Variants in SLCO1B3 observed in about 807,000 individuals in gnomAD.
The protein encoded by SLCO1B3 is solute carrier organic anion transporter family member 1B3.
A neutral mutation model predicts 71.8 loss-of-function variants in SLCO1B3; 72 were observed. That is an observed-to-expected ratio of 1.00 (90% confidence interval 0.83 to 1.22). The LOEUF is 1.22. SLCO1B3 is among the 50% of genes most tolerant of loss of function. The pLI is 0.00. For synonymous variants in SLCO1B3, 298 were observed against 278.4 expected (o/e 1.07, Z -0.70); for missense variants, 911 against 819.7 (o/e 1.11, Z -1.36).
chr12:20,845,183 A>ATT, intron 3 of SLCO1B3: 1 of 353,564 alleles, frequency 2.8e-6, no homozygotes. Context: ...TGTACAAGGT[A>ATT]GCCACATGGG....
intron 8 of SLCO1B3, among the ~76,000 whole-genome samples, chr12:20,870,192 G>A (rs1478519870): frequency 6.6e-6 from 1 of 151,930 alleles, no homozygotes; most frequent in Admixed American, 6.6e-5. Context: ...ATATTTTTTT[G>A]CTATGGAGTT....
At chr12:20,899,896 C>T (rs1245708061) in intron 14 of SLCO1B3, among the ~76,000 whole-genome samples, 3 of 152,188 alleles carry the variant, frequency 2.0e-5, no homozygotes, top group Non-Finnish European at 4.4e-5. Context: ...GAAACATCCA[C>T]ACTTGGTAGC....
In SLCO1B3 at chr12:20,898,191, G is replaced by A. The variant is rs552098090; in HGVS notation, c.1683-245G>A. 4.6e-5 allele frequency among the ~76,000 whole-genome samples: 7 copies of A among 152,196 alleles called. No individual in the cohort carries two copies. The East Asian group carries it at 5.8e-4, about 13-fold the overall frequency. On this transcript the variant is annotated intron_variant, in intron 13 of 15. Transcript: ENST00000381545. ...TATAGGATTTTCATAAGGATCAAAT[G>A]TGAACATATTTGTTAAACTGCCTTG...
chr12:20,914,986 T>C (rs536394523), intron 15 of SLCO1B3, among the ~76,000 whole-genome samples: 1 of 152,118 alleles, frequency 6.6e-6, no homozygotes, highest in Non-Finnish European at 1.5e-5. Flanking sequence ...CTATGCATAG[T>C]TTTTCTGGCC....
At chr12:20,858,295 A>G (rs1319808911) in intron 4 of SLCO1B3, 144 bp from the exon 5 acceptor site, 4 of 599,188 alleles carry the variant, frequency 6.7e-6, no homozygotes, top group Non-Finnish European at 2.9e-6. Context: ...TTAATGTAGG[A>G]GAGTTTACCT....
At chr12:20,817,018 C>T (rs1383140603) in intron 3 of SLCO1B3, among the ~76,000 whole-genome samples, 1 of 152,154 alleles carries the variant, frequency 6.6e-6, no homozygotes, top group African/African-American at 2.4e-5. Flanking sequence ...AATGTATATT[C>T]AAATATTTTG....
In SLCO1B3 at chr12:20,816,587, C is replaced by T. The variant is rs557479866; in HGVS notation, c.84+765C>T. Among the ~76,000 whole-genome samples the T allele has an allele frequency of 1.1e-4, 17 of 152,184 alleles. 1 individual carries two copies. The South Asian group carries it at 1.9e-3, about 17-fold the overall frequency. ...TGTGTATATGTCCCACTTTTTTTTACGCATTCATCTGCTGATGCACACTTA... is the reference window on the plus strand; with the variant it reads ...TGTGTATATGTCCCACTTTTTTTTATGCATTCATCTGCTGATGCACACTTA... On this transcript the variant is annotated intron_variant, in intron 3 of 15. Transcript: ENST00000381545.
chr12:20,849,744 C>CACACAT lies in SLCO1B3; in HGVS notation c.85-5283_85-5282insCACATA, dbSNP rs1555154701. Among the ~76,000 whole-genome samples the CACACAT allele has an allele frequency of 1.7e-3, 249 of 148,354 alleles. 1 individual carries two copies. The Middle Eastern group carries it at 0.017, about 10-fold the overall frequency. ...ACACACACACACACACACACACACA[C>CACACAT]ATATTACTTGTGTTTCTGTACACCG... is the stretch of plus-strand genomic sequence containing the variant. On this transcript the variant is annotated intron_variant, in intron 3 of 15. Transcript: ENST00000381545.
intron 8 of SLCO1B3, among the ~76,000 whole-genome samples, chr12:20,864,507 T>C (rs1865334096): frequency 6.6e-6 from 1 of 152,220 alleles, no homozygotes; most frequent in East Asian, 1.9e-4. Context: ...ATTATAAAAC[T>C]AAAGCAAGTA....
intron 3 of SLCO1B3, among the ~76,000 whole-genome samples, chr12:20,853,875 T>C (rs978292260): frequency 6.8e-5 from 10 of 147,240 alleles, no homozygotes; most frequent in Non-Finnish European, 1.5e-4. Flanking sequence ...TAGTGCTGCT[T>C]CCACTGCATC....
intron 15 of SLCO1B3, among the ~76,000 whole-genome samples, chr12:20,904,388 T>TA (rs1480535538): frequency 6.6e-6 from 1 of 152,110 alleles, no homozygotes; most frequent in African/African-American, 2.4e-5. Flanking sequence ...CATTAAATCT[T>TA]AAAGCTCCAA....
intron 13 of SLCO1B3, among the ~76,000 whole-genome samples, chr12:20,889,124 C>T (rs1428966399): frequency 1.4e-5 from 2 of 144,500 alleles, no homozygotes; most frequent in Admixed American, 1.4e-4. Flanking sequence ...ATATTTGGAT[C>T]TATGTTCATC....
chr12:20,858,742 C>G, intron 5 of SLCO1B3, 171 bp downstream of exon 5: 1 of 427,856 alleles, frequency 2.3e-6, no homozygotes. Flanking sequence ...TTGCTTTATT[C>G]ATCATGTATT....
chr12:20,843,550 G>A (rs1031502005), intron 3 of SLCO1B3, among the ~76,000 whole-genome samples: 9 of 152,060 alleles, frequency 5.9e-5, no homozygotes, highest in Admixed American at 2.0e-4. Flanking sequence ...GGAGGCTGAC[G>A]TGGGTGGATC....
At chr12:20,830,561 A>T (rs918241353) in intron 3 of SLCO1B3, among the ~76,000 whole-genome samples, 1 of 152,154 alleles carries the variant, frequency 6.6e-6, no homozygotes, top group Non-Finnish European at 1.5e-5. Context: ...GAGATATTTA[A>T]CCTTTATACC....
intron 3 of SLCO1B3, among the ~76,000 whole-genome samples, chr12:20,829,254 A>C (rs573227752): frequency 6.6e-6 from 1 of 152,336 alleles, no homozygotes; most frequent in Non-Finnish European, 1.5e-5. Context: ...AACTTTTAGT[A>C]ATTAAGGAGA....
intron 3 of SLCO1B3, among the ~76,000 whole-genome samples, chr12:20,835,630 A>G (rs558611736): frequency 1.3e-5 from 2 of 152,322 alleles, no homozygotes; most frequent in East Asian, 3.9e-4. Flanking sequence ...ATACCACTTC[A>G]GCCTGGACTT....
At chr12:20,829,672 A>G (rs1864498719) in intron 3 of SLCO1B3, among the ~76,000 whole-genome samples, 1 of 152,172 alleles carries the variant, frequency 6.6e-6, no homozygotes, top group African/African-American at 2.4e-5. Context: ...TCCACAGTGA[A>G]AAGTTAAAGC....
At chr12:20,861,304 TAAAC>T (rs1258557937) in intron 6 of SLCO1B3, among the ~76,000 whole-genome samples, 166 bp downstream of exon 6, 1 of 151,922 alleles carries the variant, frequency 6.6e-6, no homozygotes, top group Admixed American at 6.6e-5. Context: ...AGTCGATTCT[TAAAC>T]AACACAGGTT....
Sources: gnomAD v4.1 joint callset for allele counts (sites outside exome capture counted in the v4.1 genomes callset) on GRCh38, gnomAD v4.1.1 for gene constraint, MANE v1.5 for transcripts, NCBI Gene and HGNC (gene_info 2026-07-23, HGNC 2026-07-21) for gene names.